SGK1: variants seen among roughly 807,000 people sequenced by gnomAD.
The protein encoded by SGK1 is serum/glucocorticoid regulated kinase 1, also known as serine/threonine-protein kinase Sgk1.
Under a neutral mutation model 64.2 loss-of-function variants are expected in SGK1, and 26 were observed. That is an observed-to-expected ratio of 0.40 (90% confidence interval 0.30 to 0.56). SGK1 has a LOEUF of 0.56. Among genes scored for constraint, SGK1 ranks in the 20% least tolerant of loss-of-function variants. The pLI is 0.38. For synonymous variants in SGK1, 265 were observed against 239.7 expected, an observed-to-expected ratio of 1.11 and a Z score of -0.98; for missense variants, 519 against 645.6, an observed-to-expected ratio of 0.80 and a Z score of 2.12.
chr6:134,227,660 A>G (rs998279188), intron 2 of SGK1, among the ~76,000 whole-genome samples: 16 of 152,244 alleles, frequency 1.1e-4, no homozygotes, highest in Non-Finnish European at 1.6e-4. Context: ...TGCTCACAAC[A>G]TCCCTATGAG....
intron 1 of SGK1, among the ~76,000 whole-genome samples, chr6:134,275,611 G>A (rs2114764337): frequency 1.3e-5 from 2 of 152,246 alleles, no homozygotes; most frequent in Middle Eastern, 6.8e-3. Context: ...GCAATCTATT[G>A]AACTGATTTC....
chr6:134,282,521 C>CACGT (rs1777110173), intron 1 of SGK1, among the ~76,000 whole-genome samples: 1 of 150,436 alleles, frequency 6.6e-6, no homozygotes, highest in African/African-American at 2.5e-5. Flanking sequence ...GGCATGGTGG[C>CACGT]GCACACCTGT....
chr6:134,238,582 GT>G (rs11334496), intron 2 of SGK1, among the ~76,000 whole-genome samples: 114,370 of 150,442 alleles, frequency 0.76, 43,884 homozygotes, highest in South Asian at 0.91. Flanking sequence ...CAAAGTCAGT[GT>G]TTTTTTTTTT....
chr6:134,268,692 C>T (rs948783506), intron 1 of SGK1, among the ~76,000 whole-genome samples: 10 of 133,972 alleles, frequency 7.5e-5, no homozygotes, highest in African/African-American at 2.4e-4. Context: ...CACTGCACTC[C>T]AGCCTGGGCG....
chr6:134,215,859 A>C (rs1775971264), intron 2 of SGK1, among the ~76,000 whole-genome samples: 1 of 152,130 alleles, frequency 6.6e-6, no homozygotes. Flanking sequence ...TCTACTAAAA[A>C]TACAAAATTA....
In SGK1 at chr6:134,240,484, C is replaced by T. The variant is rs540170009; in HGVS notation, c.285+21449G>A. On this transcript the variant is annotated intron_variant, in intron 2 of 13. Transcript: ENST00000367858. ...GCATTTTGGCCAGTTAAATATTGTT[C>T]GGAATCCTGGCTCTGCCGCTGAATA... Among the ~76,000 whole-genome samples, 5 of 151,242 alleles carry T rather than the reference C, an allele frequency of 3.3e-5. No homozygotes were observed. In the East Asian group the frequency reaches 5.9e-4, roughly 18 times the overall value.
chr6:134,315,310 G>A (rs1777662457), intron 1 of SGK1, among the ~76,000 whole-genome samples: 1 of 152,294 alleles, frequency 6.6e-6, no homozygotes, highest in East Asian at 1.9e-4. Context: ...GAGCGCAGGG[G>A]CAGGAGAGAT....
At chr6:134,293,962 T>C (rs1472308088) in intron 1 of SGK1, among the ~76,000 whole-genome samples, 2 of 152,196 alleles carry the variant, frequency 1.3e-5, no homozygotes, top group African/African-American at 4.8e-5. Context: ...ATTCGGTTTT[T>C]AGGATTTTAG....
At chr6:134,305,572 CAAA>C (rs11403837) in intron 1 of SGK1, among the ~76,000 whole-genome samples, 4 of 118,694 alleles carry the variant, frequency 3.4e-5, no homozygotes, top group Admixed American at 8.1e-5. Context: ...GACCCTGTCT[CAAA>C]AAAAAAAAAA....
At chr6:134,254,701 A>C (rs1776654461) in intron 2 of SGK1, among the ~76,000 whole-genome samples, 1 of 152,152 alleles carries the variant, frequency 6.6e-6, no homozygotes, top group Admixed American at 6.5e-5. Flanking sequence ...TTTAATTTAC[A>C]TTTACCCACA....
intron 3 of SGK1, among the ~76,000 whole-genome samples, chr6:134,195,893 C>G (rs957593955): frequency 1.3e-5 from 2 of 152,074 alleles, no homozygotes; most frequent in African/African-American, 4.8e-5. Flanking sequence ...AAAATAGTAA[C>G]AGTAATGATA....
chr6:134,286,790 G>C (rs1193314000), intron 1 of SGK1, among the ~76,000 whole-genome samples: 1 of 151,992 alleles, frequency 6.6e-6, no homozygotes, highest in East Asian at 1.9e-4. Flanking sequence ...TTTTAAAAAA[G>C]AGTATATTTA....
rs538629863 is a variant in SGK1, at chr6:134,209,020, A to G, written c.286-1589T>C. Among the ~76,000 whole-genome samples, 4 of 152,166 alleles carry G rather than the reference A, an allele frequency of 2.6e-5. 1 individual carries two copies. The South Asian group carries it at 8.3e-4, about 32-fold the overall frequency. ...ACTTTTAGTTCTTTAAGGAATCTGC[A>G]TACTGTTTTCCATAGTGGTTGTACT... On this transcript the variant is annotated intron_variant, in intron 2 of 13. Coordinates refer to ENST00000367858, the MANE Select transcript of SGK1 (RefSeq NM_001143676.3).
intron 2 of SGK1, among the ~76,000 whole-genome samples, chr6:134,244,683 C>T (rs918381042): frequency 1.3e-5 from 2 of 152,222 alleles, no homozygotes; most frequent in South Asian, 2.1e-4. Flanking sequence ...AACCAGGTAC[C>T]TCAGTTGGAA....
rs780068683 is a variant in SGK1 at position 134,177,616 on chromosome 6, C to T, written c.362-3030G>A. On this transcript the variant is annotated intron_variant, in intron 3 of 13. Coordinates refer to ENST00000367858, the MANE Select transcript of SGK1 (RefSeq NM_001143676.3). Reference sequence around the variant, plus strand: ...TGTGCCTTCCCCATGCCAAGTAACCCCAAATCCTTTGAGGCATCTGCAAAA... The same window carrying T: ...TGTGCCTTCCCCATGCCAAGTAACCTCAAATCCTTTGAGGCATCTGCAAAA... The T allele has an allele frequency of 4.6e-6, 7 of 1,524,506 alleles. No individual in the cohort carries two copies. The East Asian group carries it at 1.1e-4, about 25-fold the overall frequency. 94.4% of individuals were successfully genotyped at this position (1,524,506 alleles called of 1,614,324 possible).
At chr6:134,261,600 T>C (rs1440126386) in intron 2 of SGK1, 4 of 553,458 alleles carry the variant, frequency 7.2e-6, no homozygotes, top group Non-Finnish European at 9.5e-6. Flanking sequence ...ACCCATAGAA[T>C]GTATAACACC....
chr6:134,301,787 G>A (rs1370636501), intron 1 of SGK1, among the ~76,000 whole-genome samples: 1 of 151,926 alleles, frequency 6.6e-6, no homozygotes, highest in Non-Finnish European at 1.5e-5. Flanking sequence ...GGAGACCTGA[G>A]GGTCTTGCTG....
intron 2 of SGK1, among the ~76,000 whole-genome samples, chr6:134,230,741 C>G (rs1020931799): frequency 6.6e-6 from 1 of 152,190 alleles, no homozygotes; most frequent in Non-Finnish European, 1.5e-5. Flanking sequence ...AGGCTGAGAG[C>G]AGTGGCTCAT....
intron 1 of SGK1, among the ~76,000 whole-genome samples, chr6:134,271,752 C>T (rs375471584): frequency 6.8e-6 from 1 of 148,036 alleles, no homozygotes; most frequent in Non-Finnish European, 1.5e-5. Context: ...TTGTGCTCTT[C>T]TCCCTCCTCC....
Sources: gnomAD v4.1 joint callset for allele counts (sites outside exome capture counted in the v4.1 genomes callset) on GRCh38, gnomAD v4.1.1 for gene constraint, MANE v1.5 for transcripts, NCBI Gene and HGNC (gene_info 2026-07-23, HGNC 2026-07-21) for gene names.